EDEM2: variants seen among roughly 807,000 people sequenced by gnomAD.
The protein encoded by EDEM2 is ER degradation enhancing alpha-mannosidase like protein 2.
In EDEM2, 39 loss-of-function variants were observed where a neutral mutation model predicts 64.8. The ratio of observed to expected loss-of-function variants is 0.60; its 90% CI spans 0.47 to 0.79. The LOEUF is 0.79. Ranked by LOEUF, EDEM2 falls within the 30% of genes least tolerant of loss-of-function variation. EDEM2 has a pLI of 0.00. For synonymous variants in EDEM2, 296 were observed against 291.5 expected, an observed-to-expected ratio of 1.02 and a Z score of -0.16; for missense variants, 609 against 731.3, an observed-to-expected ratio of 0.83 and a Z score of 1.93.
chr20:35,147,211 C>T lies in EDEM2; in HGVS notation c.48G>A (p.Leu16=), dbSNP rs760884106. The part of the protein sequence containing the change: ...LIPLGLLCAL[L]PQHHGAPGPD... ...GACCTGGCGCACCATGGTGCTGAGG[C>T]AGCAGCGCGCACAGGAGGCCGAGCG... Residue 16 remains leucine, a synonymous_variant, in exon 1 of 11, where the codon CTG becomes CTA. Transcript: ENST00000374492. 2 of 1,601,342 alleles carry T rather than the reference C, an allele frequency of 1.2e-6. No individual in the cohort carries two copies. The highest frequency in any genetic ancestry group is 1.7e-6 in the Non-Finnish European group (2 of 1,172,282).
chr20:35,136,831 G>T (rs1344644928), intron 5 of EDEM2, among the ~76,000 whole-genome samples: 2 of 151,760 alleles, frequency 1.3e-5, no homozygotes, highest in East Asian at 3.9e-4. Context: ...GGAAAGCACA[G>T]TGTGACGTGT....
chr20:35,144,959 G>GA lies in EDEM2; in HGVS notation c.258+19dup, dbSNP rs1328131255. 6.2e-7 allele frequency: 1 copy of GA among 1,613,462 alleles called. No homozygotes were observed. The highest frequency in any genetic ancestry group is 1.3e-5 in the African/African-American group (1 of 74,914). Reference sequence around the variant, plus strand: ...GGTTATGTAACAGTGGAAAGGAAAAGAAACAGACGAGATACTTACCAGCAA... The same window carrying GA: ...GGTTATGTAACAGTGGAAAGGAAAAGAAAACAGACGAGATACTTACCAGCAA... On this transcript the variant is annotated intron_variant, in intron 3 of 10. Transcript: ENST00000374492.
chr20:35,146,731 G>T, intron 2 of EDEM2, 94 bp downstream of exon 2: 1 of 1,349,476 alleles, frequency 7.4e-7, no homozygotes, highest in Non-Finnish European at 1.0e-6. Flanking sequence ...TGGTGCCGGT[G>T]AGGAGACCAT....
At position 35,147,268 on chromosome 20, in the gene EDEM2, G is replaced by A. The variant is rs748622996; in HGVS notation, c.-10C>T. On this transcript the variant is annotated 5_prime_UTR_variant, in exon 1 of 11. Transcript: ENST00000374492. ...GCAGCCGGAAAGGCATAGAGCTCGTGTCCTCTCAGCGCCCCCGCAGCAGCA... is the reference window on the plus strand; with the variant it reads ...GCAGCCGGAAAGGCATAGAGCTCGTATCCTCTCAGCGCCCCCGCAGCAGCA... 4.0e-5 allele frequency: 62 copies of A among 1,533,106 alleles called. No individual in the cohort carries two copies. Among genetic ancestry groups the A allele is most frequent in the African/African-American group, 5.5e-5 (4 of 72,450 alleles). The allele number at this position is 1,533,106 out of a possible 1,614,324, so 95.0% of individuals were successfully genotyped here.
At chr20:35,142,775 CG>C (rs144287395) in intron 3 of EDEM2, among the ~76,000 whole-genome samples, 2,978 of 152,154 alleles carry the variant, frequency 0.02, 78 homozygotes, top group African/African-American at 0.058. Flanking sequence ...TTTTTTGTTT[CG>C]TTTTTTTGAG....
chr20:35,131,109 G>A (rs2085500095), intron 7 of EDEM2, among the ~76,000 whole-genome samples: 1 of 152,238 alleles, frequency 6.6e-6, no homozygotes, highest in East Asian at 1.9e-4. Context: ...AAGATGCCAT[G>A]TGCAATGGCC....
chr20:35,124,099 GA>G, intron 8 of EDEM2, 65 bp from the exon 9 acceptor site: 2 of 1,563,730 alleles, frequency 1.3e-6, no homozygotes, highest in Non-Finnish European at 1.7e-6. Context: ...ACAACCTTAA[GA>G]AAAGACAAAG....
At chr20:35,123,120 G>A (rs746822199) in intron 9 of EDEM2, among the ~76,000 whole-genome samples, 1 of 152,166 alleles carries the variant, frequency 6.6e-6, no homozygotes, top group South Asian at 2.1e-4. Context: ...AAATGGGGAG[G>A]TGGAAGAGAC....
intron 4 of EDEM2, among the ~76,000 whole-genome samples, chr20:35,141,020 T>G (rs2085646471): frequency 6.8e-6 from 1 of 146,678 alleles, no homozygotes; most frequent in South Asian, 2.1e-4. Flanking sequence ...CATAGGAGGC[T>G]GAGACAGGAG....
At chr20:35,136,985 A>G (rs1336987573) in intron 5 of EDEM2, among the ~76,000 whole-genome samples, 2 of 152,118 alleles carry the variant, frequency 1.3e-5, no homozygotes, top group Non-Finnish European at 2.9e-5. Flanking sequence ...CTTAGCCACA[A>G]AACAAATCCC....
At chr20:35,131,883 G>C in intron 6 of EDEM2, 100 bp from the exon 7 acceptor site, 6 of 1,402,178 alleles carry the variant, frequency 4.3e-6, no homozygotes, top group Non-Finnish European at 5.8e-6. Context: ...TGCAGGGCAG[G>C]TGCCCCAGTG....
chr20:35,139,511 A>G (rs1311051376), intron 4 of EDEM2, among the ~76,000 whole-genome samples: 7 of 142,516 alleles, frequency 4.9e-5, no homozygotes, highest in Non-Finnish European at 1.1e-4. Context: ...TTAGCCGGGC[A>G]TGGCGTTGTG....
At chr20:35,135,828 GAAGT>G (rs1318625447) in intron 5 of EDEM2, among the ~76,000 whole-genome samples, 1 of 152,166 alleles carries the variant, frequency 6.6e-6, no homozygotes, top group African/African-American at 2.4e-5. Flanking sequence ...TGCCTGTAAA[GAAGT>G]AATTCAGCCA....
At chr20:35,137,080 G>C (rs2085586602) in intron 5 of EDEM2, among the ~76,000 whole-genome samples, 2 of 152,158 alleles carry the variant, frequency 1.3e-5, no homozygotes, top group African/African-American at 4.8e-5. Flanking sequence ...GATGTGGTAG[G>C]GAAGTAGAAA....
chr20:35,137,758 A>G (rs2085597229), intron 5 of EDEM2, 122 bp downstream of exon 5: 3 of 1,417,700 alleles, frequency 2.1e-6, no homozygotes, highest in South Asian at 2.8e-5. Flanking sequence ...TGGTGGGTAG[A>G]AAGACCAAAT....
Position 35,118,573 on chromosome 20 carries a change from T to A in EDEM2, c.1236+25A>T, listed in dbSNP as rs73903010. 6.0e-4 allele frequency: 965 copies of A among 1,613,672 alleles called. 5 individuals carry two copies. The African/African-American group carries it at 0.012, about 19-fold the overall frequency. ...AGCAGCAAGGGGAGACTCTTCCCAG[T>A]TCTTGGGGCCATGCAAACACTTACT... On this transcript the variant is annotated intron_variant, in intron 10 of 10. Coordinates refer to ENST00000374492, the MANE Select transcript of EDEM2 (RefSeq NM_018217.3).
At chr20:35,136,962 G>A (rs2085584975) in intron 5 of EDEM2, among the ~76,000 whole-genome samples, 1 of 152,088 alleles carries the variant, frequency 6.6e-6, no homozygotes, top group Admixed American at 6.6e-5. Context: ...TTGACCTGCA[G>A]CCCTGGACAC....
At chr20:35,130,879 A>G (rs2085497215) in intron 7 of EDEM2, among the ~76,000 whole-genome samples, 1 of 152,214 alleles carries the variant, frequency 6.6e-6, no homozygotes, top group Non-Finnish European at 1.5e-5. Context: ...CCACATGTAA[A>G]GCACTGTGGG....
intron 5 of EDEM2, among the ~76,000 whole-genome samples, 169 bp downstream of exon 5, chr20:35,137,711 A>G (rs1243011339): frequency 6.6e-6 from 1 of 152,200 alleles, no homozygotes; most frequent in African/African-American, 2.4e-5. Flanking sequence ...AGGCCCTTAA[A>G]ATGCCCAGGA....
Sources: allele counts gnomAD v4.1 joint callset (sites outside exome capture counted in the v4.1 genomes callset), GRCh38; gene constraint gnomAD v4.1.1; transcripts MANE v1.5; gene names NCBI Gene and HGNC (gene_info 2026-07-23, HGNC 2026-07-21).